GLP1R: variants seen among roughly 807,000 people sequenced by gnomAD.
GLP1R encodes glucagon-like peptide 1 receptor.
A neutral mutation model predicts 68.4 loss-of-function variants in GLP1R; 32 were observed. The ratio of observed to expected loss-of-function variants is 0.47; its 90% confidence interval spans 0.35 to 0.63. GLP1R has a LOEUF of 0.63. Ranked by LOEUF, GLP1R falls within the 20% of genes least tolerant of loss-of-function variation. The probability of loss-of-function intolerance (pLI) is 0.00; values close to 1 mark genes in which losing one functional copy is unlikely to be tolerated. For missense variants in GLP1R, 502 were observed against 594.9 expected, an observed-to-expected ratio of 0.84 and a Z score of 1.62; for synonymous variants, 263 against 244.4, an observed-to-expected ratio of 1.08 and a Z score of -0.71.
chr6:39,066,590 G>A (rs1768526900), intron 5 of GLP1R, among the ~76,000 whole-genome samples: 1 of 152,196 alleles, frequency 6.6e-6, no homozygotes, highest in Non-Finnish European at 1.5e-5. Context: ...TCGGTGATGG[G>A]ATTACGGAAA....
In GLP1R at chr6:39,066,431, C is replaced by T; in HGVS notation, c.509+128C>T. The stretch of plus-strand genomic sequence containing the variant: ...TCGTCCTTCTCTCAAGAGCTCTCTA[C>T]AGAGCCCTGACCGTAGAATATGAGG... On this transcript the variant is annotated intron_variant, in intron 5 of 12. Transcript: ENST00000373256. 4 of 611,294 alleles carry T rather than the reference C, an allele frequency of 6.5e-6. No individual in the cohort carries two copies. The East Asian group carries it at 1.1e-4, about 17-fold the overall frequency. 37.9% of individuals were successfully genotyped at this position (611,294 alleles called of 1,614,324 possible).
At chr6:39,053,860 C>T (rs1768147059) in intron 1 of GLP1R, among the ~76,000 whole-genome samples, 1 of 152,112 alleles carries the variant, frequency 6.6e-6, no homozygotes, top group Non-Finnish European at 1.5e-5. Flanking sequence ...AGACCAGAAC[C>T]TCCCATCTGT....
At chr6:39,068,969 C>T (rs80228310) in intron 5 of GLP1R, among the ~76,000 whole-genome samples, 6,016 of 152,298 alleles carry the variant, frequency 0.04, 207 homozygotes, top group East Asian at 0.13. Context: ...ACAATATGGT[C>T]AGACTGAAAA....
intron 5 of GLP1R, among the ~76,000 whole-genome samples, chr6:39,066,691 T>A (rs552599375): frequency 6.6e-6 from 1 of 152,314 alleles, no homozygotes; most frequent in South Asian, 2.1e-4. Flanking sequence ...ATTAGAGATC[T>A]TCCTCCCTTT....
chr6:39,066,167 A>G (rs1447786163), intron 4 of GLP1R, 30 bp from the exon 5 acceptor site: 1 of 1,229,652 alleles, frequency 8.1e-7, no homozygotes, highest in East Asian at 2.3e-5. Flanking sequence ...TGGGCTGCCC[A>G]TGTACACGTA....
intron 7 of GLP1R, among the ~76,000 whole-genome samples, chr6:39,075,478 A>T (rs1002318581): frequency 6.6e-6 from 1 of 152,028 alleles, no homozygotes; most frequent in Non-Finnish European, 1.5e-5. Flanking sequence ...TTTGGTGGGG[A>T]CACACTGCCC....
rs1769176558 is a variant in GLP1R, at chr6:39,087,347, C to G, written c.*1274C>G. ...TTAAGGTTTGCCCTGCCTGCAGCCTCCCCCACAAATAATGAACAGCAGAAA... is the reference window on the plus strand; with the variant it reads ...TTAAGGTTTGCCCTGCCTGCAGCCTGCCCCACAAATAATGAACAGCAGAAA... On this transcript the variant is annotated 3_prime_UTR_variant, in exon 13 of 13. Coordinates refer to ENST00000373256, the MANE Select transcript of GLP1R (RefSeq NM_002062.5). 6.6e-6 allele frequency: 1 copy of G among 152,244 alleles called. No individual in the cohort carries two copies. The highest frequency in any genetic ancestry group is 2.1e-4 in the South Asian group (1 of 4,830). 9.4% of individuals were successfully genotyped at this position (152,244 alleles called of 1,614,324 possible). A position where few individuals can be genotyped will look rare whatever the true frequency, so the allele number is the denominator to read the frequency against.
At chr6:39,065,874 C>A in intron 4 of GLP1R, 45 bp downstream of exon 4, 1 of 1,155,458 alleles carries the variant, frequency 8.7e-7, no homozygotes. Context: ...GGAGCCATGT[C>A]TTGGAGCACT....
Position 39,066,265 on chromosome 6 carries a change from T to G in GLP1R, c.471T>G (p.Ser157=). Reference sequence around the variant, plus strand: ...CGGTGGGCTACGCACTCTCCTTCTCTGCTCTGGTTATCGCCTCTGCGATCC... The same window carrying G: ...CGGTGGGCTACGCACTCTCCTTCTCGGCTCTGGTTATCGCCTCTGCGATCC... ...IYTVGYALSF[S]ALVIASAILL... Residue 157 remains serine (S), a synonymous_variant, in exon 5 of 13, where the codon TCT becomes TCG. Coordinates refer to ENST00000373256, the MANE Select transcript of GLP1R (RefSeq NM_002062.5). 6.2e-7 allele frequency: 1 copy of G among 1,613,084 alleles called. No individual in the cohort carries two copies. Among genetic ancestry groups the G allele is most frequent in the Non-Finnish European group, 8.5e-7 (1 of 1,179,036 alleles).
chr6:39,057,534 T>C lies in GLP1R; in HGVS notation c.238T>C (p.Phe80Leu). The change falls in exon 3 of 13, where the codon TTC (phenylalanine) becomes CTC (leucine). Residue 80 changes from phenylalanine (F) to leucine (L), a missense_variant. Physicochemically the swap from Phe to Leu is conservative, Grantham distance 22. Transcript: ENST00000373256. ...CTGGCCAGATGGGGAGCCAGGCTCG[T>C]TCGTGAATGTCAGCTGCCCCTGGTA... ...ACWPDGEPGS[F>L]VNVSCPWYLP... 6.2e-7 allele frequency: 1 copy of C among 1,613,338 alleles called. No individual in the cohort carries two copies. The highest frequency in any genetic ancestry group is 1.1e-5 in the South Asian group (1 of 90,916).
In GLP1R at chr6:39,079,167, C is replaced by T; in HGVS notation, c.1010C>T (p.Ala337Val). 6.2e-7 allele frequency: 1 copy of T among 1,613,804 alleles called. No homozygotes were observed. Among genetic ancestry groups the T allele is most frequent in the East Asian group, 2.2e-5 (1 of 44,872 alleles). Residue 337 changes from alanine (A) to valine (V), a missense_variant, in exon 10 of 13, where the codon GCC (alanine) becomes GTC (valine). Transcript: ENST00000373256. This position sits in a 1 kb window ranked among gnomAD's most constrained non-coding sequence, Gnocchi z 4.5. Reference protein sequence around the residue: ...VICIVVSKLKANLMCKTDIKC... With the variant: ...VICIVVSKLKVNLMCKTDIKC... Reference sequence around the variant, plus strand: ...TGCATCGTGGTATCCAAACTGAAGGCCAATCTCATGTGCAAGACAGACATC... The same window carrying T: ...TGCATCGTGGTATCCAAACTGAAGGTCAATCTCATGTGCAAGACAGACATC...
rs1768038705 is a variant in GLP1R, at chr6:39,049,560, A to G, written c.78+642A>G. Among the ~76,000 whole-genome samples the G allele has an allele frequency of 6.6e-6, 1 of 151,832 alleles. No individual in the cohort carries two copies. Among genetic ancestry groups the G allele is most frequent in the African/African-American group, 2.4e-5 (1 of 41,310 alleles). Reference sequence around the variant, plus strand: ...CCCGTCCCCTACCAGCCTCTGTAGCAAACAGGCAGAAGGCTCAGTGCCCCC... The same window carrying G: ...CCCGTCCCCTACCAGCCTCTGTAGCGAACAGGCAGAAGGCTCAGTGCCCCC... On this transcript the variant is annotated intron_variant, in intron 1 of 12. Transcript: ENST00000373256. This position sits in a 1 kb window ranked among gnomAD's most constrained non-coding sequence, Gnocchi z 4.5.
intron 1 of GLP1R, among the ~76,000 whole-genome samples, chr6:39,055,602 T>G (rs1768191574): frequency 6.6e-6 from 1 of 152,172 alleles, no homozygotes; most frequent in South Asian, 2.1e-4. Context: ...CACGTGTGAC[T>G]TCAGTGTTCT....
At chr6:39,057,200 G>A (rs972560745) in intron 2 of GLP1R, among the ~76,000 whole-genome samples, 11 of 152,184 alleles carry the variant, frequency 7.2e-5, no homozygotes, top group Non-Finnish European at 1.5e-5. Flanking sequence ...ATATAGTCTT[G>A]ATCCCACAAA....
At chr6:39,053,531 C>T (rs1436894697) in intron 1 of GLP1R, among the ~76,000 whole-genome samples, 1 of 152,216 alleles carries the variant, frequency 6.6e-6, no homozygotes, top group Non-Finnish European at 1.5e-5. Flanking sequence ...TCCCACTCTG[C>T]CCTTTCCACT....
chr6:39,071,097 A>G (rs534644548), intron 5 of GLP1R, among the ~76,000 whole-genome samples: 2 of 152,328 alleles, frequency 1.3e-5, no homozygotes, highest in South Asian at 4.1e-4. Flanking sequence ...CAGTAATCCC[A>G]GCACTTTGGG....
chr6:39,066,491 C>G (rs1768522225), intron 5 of GLP1R, among the ~76,000 whole-genome samples, 188 bp downstream of exon 5: 1 of 152,188 alleles, frequency 6.6e-6, no homozygotes, highest in South Asian at 2.1e-4. Flanking sequence ...TGTTCTTGGT[C>G]TAGTCTCCAC....
chr6:39,067,528 T>C (rs751124218), intron 5 of GLP1R, among the ~76,000 whole-genome samples: 1 of 152,198 alleles, frequency 6.6e-6, no homozygotes. Context: ...TATAAGGTAC[T>C]AATCCCATTC....
intron 12 of GLP1R, 61 bp from the exon 13 acceptor site, chr6:39,085,845 G>A: frequency 4.7e-6 from 7 of 1,502,538 alleles, no homozygotes; most frequent in Non-Finnish European, 9.2e-7. Flanking sequence ...TAATAGTGGG[G>A]CCATTTTGTT....
Sources: gnomAD v4.1 joint callset for allele counts (sites outside exome capture counted in the v4.1 genomes callset) on GRCh38, gnomAD v4.1.1 for gene constraint, Gnocchi (gnomAD v3.1) non-coding constraint, MANE v1.5 for transcripts, NCBI Gene and HGNC (gene_info 2026-07-23, HGNC 2026-07-21) for gene names.